The following CYRIB variants were observed in gnomAD, a reference collection of about 807,000 sequenced individuals.
CYRIB encodes CYFIP related Rac1 interactor B, also known as CYFIP-related Rac1 interactor B.
In CYRIB, 8 loss-of-function variants were observed where a neutral mutation model predicts 44.2. The ratio of observed to expected loss-of-function variants is 0.18; its 90% CI spans 0.11 to 0.33. CYRIB has a LOEUF of 0.33. CYRIB is among the 10% of genes least tolerant of loss of function. The pLI is 1.00. For missense variants in CYRIB, 185 were observed against 382.8 expected (o/e 0.48, Z 4.31); for synonymous variants, 131 against 127.2 (o/e 1.03, Z -0.20).
chr8:129,916,298 T>C (rs1382600858), intron 1 of CYRIB, among the ~76,000 whole-genome samples: 1 of 152,204 alleles, frequency 6.6e-6, no homozygotes, highest in Non-Finnish European at 1.5e-5. Flanking sequence ...CCTAAATGGT[T>C]AACCTACTTC....
chr8:129,861,817 C>T (rs1458838525), intron 5 of CYRIB, among the ~76,000 whole-genome samples: 1 of 152,046 alleles, frequency 6.6e-6, no homozygotes, highest in African/African-American at 2.4e-5. Context: ...TCAAGAAAAC[C>T]TCTTTGATTT....
At chr8:129,860,841 A>G (rs2048992415) in intron 5 of CYRIB, among the ~76,000 whole-genome samples, 1 of 150,958 alleles carries the variant, frequency 6.6e-6, no homozygotes, top group Non-Finnish European at 1.5e-5. Flanking sequence ...ATGCAGATCA[A>G]TTATTGCTAG....
At chr8:129,984,014 G>C (rs1228393199) in intron 1 of CYRIB, among the ~76,000 whole-genome samples, 1 of 152,238 alleles carries the variant, frequency 6.6e-6, no homozygotes, top group Non-Finnish European at 1.5e-5. Flanking sequence ...GGAGATCAGG[G>C]TTTACAGACA....
chr8:129,944,255 G>A (rs148158336), upstream of CYRIB, among the ~76,000 whole-genome samples: 959 of 152,234 alleles, frequency 6.3e-3, 12 homozygotes, highest in African/African-American at 0.022. Context: ...CCAGGAGAGG[G>A]ATAAGGAGAG....
At chr8:129,870,831 A>G (rs2056869751) in intron 4 of CYRIB, among the ~76,000 whole-genome samples, 1 of 152,212 alleles carries the variant, frequency 6.6e-6, no homozygotes, top group Non-Finnish European at 1.5e-5. Flanking sequence ...AAGATAGAAG[A>G]TTTAATTAAG....
chr8:129,987,702 T>A (rs995677284), intron 1 of CYRIB, among the ~76,000 whole-genome samples: 6 of 151,968 alleles, frequency 3.9e-5, no homozygotes, highest in Non-Finnish European at 7.4e-5. Context: ...CCTAAGTAGC[T>A]GGGATTCCAC....
At chr8:129,992,677 C>A (rs958969270) in intron 1 of CYRIB, among the ~76,000 whole-genome samples, 2 of 152,182 alleles carry the variant, frequency 1.3e-5, no homozygotes, top group African/African-American at 4.8e-5. Context: ...GCTGCAGAGC[C>A]CTGATCACCC....
intron 1 of CYRIB, among the ~76,000 whole-genome samples, chr8:129,905,614 A>G (rs1370932810): frequency 2.0e-5 from 3 of 151,924 alleles, no homozygotes; most frequent in African/African-American, 7.3e-5. Flanking sequence ...ATGAATAAAC[A>G]CTTTTTTTGC....
intron 2 of CYRIB, chr8:129,948,645 T>C (rs543963247): frequency 1.2e-4 from 18 of 152,114 alleles, no homozygotes; most frequent in African/African-American, 4.1e-4. Flanking sequence ...AGAAAAAGGG[T>C]GGGCCGTTCA....
chr8:129,970,998 G>A lies in CYRIB; in HGVS notation c.-295-3C>T, dbSNP rs1416333686. The A allele has an allele frequency of 6.6e-6, 1 of 152,168 alleles. No homozygotes were observed. Among genetic ancestry groups the A allele is most frequent in the Non-Finnish European group, 1.5e-5 (1 of 68,038 alleles). 9.4% of individuals were successfully genotyped at this position (152,168 alleles called of 1,614,324 possible). Reference sequence around the variant, plus strand: ...ATTCCAGGCCTCAGTTTCTTCTCCTGTAAAAGAGTTATAGCAAGGATTAAG... The same window carrying A: ...ATTCCAGGCCTCAGTTTCTTCTCCTATAAAAGAGTTATAGCAAGGATTAAG... On this transcript the variant is annotated splice_polypyrimidine_tract_variant and splice_region_variant and intron_variant, in intron 1 of 14. Transcript: ENST00000401979.
chr8:129,887,888 T>C (rs2063429836), intron 2 of CYRIB, among the ~76,000 whole-genome samples: 1 of 152,214 alleles, frequency 6.6e-6, no homozygotes, highest in South Asian at 2.1e-4. Context: ...TAACTTCATT[T>C]TGATTTTAAA....
At chr8:129,998,119 C>CAAAAAAAA (rs34658935) in intron 1 of CYRIB, among the ~76,000 whole-genome samples, 2 of 93,164 alleles carry the variant, frequency 2.1e-5, no homozygotes, top group Non-Finnish European at 2.3e-5. Flanking sequence ...GACTCTGTCT[C>CAAAAAAAA]AAAAAAAAAA....
At chr8:130,005,209 C>T (rs1442985072) in intron 1 of CYRIB, among the ~76,000 whole-genome samples, 1 of 152,042 alleles carries the variant, frequency 6.6e-6, no homozygotes, top group East Asian at 1.9e-4. Context: ...AGTTTCTTCT[C>T]CTTTGGTGCT....
At chr8:130,006,434 A>C (rs1398705638) in intron 1 of CYRIB, among the ~76,000 whole-genome samples, 3 of 148,952 alleles carry the variant, frequency 2.0e-5, no homozygotes, top group Non-Finnish European at 4.4e-5. Context: ...TGAGCAACGT[A>C]GCAAGACTCT....
At chr8:129,943,908 T>G (rs1244720263), upstream of CYRIB, among the ~76,000 whole-genome samples, 14 of 100,260 alleles carry the variant, frequency 1.4e-4, no homozygotes, top group South Asian at 3.8e-4. Context: ...CGAGACTCCA[T>G]CTTAAAAAAA....
chr8:129,920,978 G>GA (rs1411132541), intron 1 of CYRIB, among the ~76,000 whole-genome samples: 1 of 152,002 alleles, frequency 6.6e-6, no homozygotes, highest in Middle Eastern at 3.2e-3. Flanking sequence ...GCAAGAATAG[G>GA]AAAAAAATTG....
At chr8:129,917,710 C>T (rs1036713430) in intron 1 of CYRIB, among the ~76,000 whole-genome samples, 34 of 151,782 alleles carry the variant, frequency 2.2e-4, no homozygotes, top group African/African-American at 7.5e-4. Context: ...TACAAAAATT[C>T]GCCGGGCATG....
chr8:129,860,865 GAAA>G (rs34972546), intron 5 of CYRIB, among the ~76,000 whole-genome samples: 6 of 129,276 alleles, frequency 4.6e-5, no homozygotes, highest in Admixed American at 7.4e-5. Flanking sequence ...GAGGCTTAAA[GAAA>G]AAAAAAAAAA....
chr8:129,849,607 C>A, intron 9 of CYRIB: 1 of 355,746 alleles, frequency 2.8e-6, no homozygotes, highest in Non-Finnish European at 5.2e-6. Context: ...CAACTTTCAG[C>A]TGATGCTGAC....
Sources: gnomAD v4.1 joint callset for allele counts (sites outside exome capture counted in the v4.1 genomes callset) on GRCh38, gnomAD v4.1.1 for gene constraint, MANE v1.5 for transcripts, NCBI Gene and HGNC (gene_info 2026-07-23, HGNC 2026-07-21) for gene names.